Variants in CSMD1 observed in about 807,000 individuals in gnomAD.
CSMD1 encodes CUB and sushi domain-containing protein 1.
A neutral mutation model predicts 417.5 loss-of-function variants in CSMD1; 213 were observed. The ratio of observed to expected loss-of-function variants is 0.51; its 90% CI spans 0.46 to 0.57. The LOEUF (loss-of-function observed/expected upper bound fraction) is 0.57, where lower values mean the gene tolerates loss of function less well. CSMD1 is among the 20% of genes least tolerant of loss of function. The pLI is 0.00. For synonymous variants in CSMD1, 2,862 were observed against 1,736.8 expected (o/e 1.65, Z -16.11); for missense variants, 6,923 against 4,529.7 (o/e 1.53, Z -15.17).
intron 10 of CSMD1, among the ~76,000 whole-genome samples, chr8:3,523,362 C>T (rs533151104): frequency 5.3e-5 from 8 of 152,270 alleles, no homozygotes; most frequent in South Asian, 2.1e-4. Context: ...TCTGAGATTA[C>T]GTGAGATGGA....
intron 3 of CSMD1, among the ~76,000 whole-genome samples, chr8:4,099,931 A>G (rs1233636501): frequency 6.6e-6 from 1 of 152,202 alleles, no homozygotes; most frequent in Non-Finnish European, 1.5e-5. Flanking sequence ...ATCAACAACA[A>G]CAACAATAGT....
At chr8:4,655,820 G>C (rs999273794) in intron 1 of CSMD1, among the ~76,000 whole-genome samples, 2 of 152,076 alleles carry the variant, frequency 1.3e-5, no homozygotes, top group Non-Finnish European at 2.9e-5. Flanking sequence ...ACAACAAAAT[G>C]TGGATTAGAA....
At chr8:3,385,091 A>AATATATAT (rs1563333634) in intron 18 of CSMD1, among the ~76,000 whole-genome samples, 2 of 107,144 alleles carry the variant, frequency 1.9e-5, no homozygotes, top group African/African-American at 7.5e-5. Flanking sequence ...ATTTATATAT[A>AATATATAT]AAATATATAT....
At chr8:4,275,169 T>A (rs777874541) in intron 3 of CSMD1, among the ~76,000 whole-genome samples, 13 of 152,184 alleles carry the variant, frequency 8.5e-5, no homozygotes, top group Non-Finnish European at 1.6e-4. Flanking sequence ...TAGTTACATT[T>A]TCTGGGGTTT....
At chr8:3,352,024 C>T (rs900837933) in intron 21 of CSMD1, among the ~76,000 whole-genome samples, 12 of 151,666 alleles carry the variant, frequency 7.9e-5, no homozygotes, top group African/African-American at 2.9e-4. Context: ...ATGTGGAAGT[C>T]AATAAGAAAA....
chr8:4,802,903 G>C (rs948112747), intron 1 of CSMD1, among the ~76,000 whole-genome samples: 4 of 152,182 alleles, frequency 2.6e-5, no homozygotes, highest in African/African-American at 9.7e-5. Context: ...CAAATCGTGT[G>C]ACATTAACCA....
At chr8:3,863,695 A>G (rs1804886480) in intron 5 of CSMD1, among the ~76,000 whole-genome samples, 1 of 152,228 alleles carries the variant, frequency 6.6e-6, no homozygotes, top group South Asian at 2.1e-4. Flanking sequence ...CTCAGTGAAC[A>G]AAAGAATAAC....
At chr8:3,871,524 T>C (rs1189411967) in intron 5 of CSMD1, among the ~76,000 whole-genome samples, 1 of 152,202 alleles carries the variant, frequency 6.6e-6, no homozygotes, top group Non-Finnish European at 1.5e-5. Flanking sequence ...TAATGAATAA[T>C]GCTTGATTTT....
chr8:3,439,309 A>ATATATATATT, intron 12 of CSMD1, among the ~76,000 whole-genome samples: 45 of 62,436 alleles, frequency 7.2e-4, no homozygotes, highest in East Asian at 1.1e-3. Flanking sequence ...ATATATATAT[A>ATATATATATT]TTTTTTTTTT....
At chr8:4,887,533 A>G (rs1563678887) in intron 1 of CSMD1, among the ~76,000 whole-genome samples, 1 of 151,954 alleles carries the variant, frequency 6.6e-6, no homozygotes, top group Non-Finnish European at 1.5e-5. Flanking sequence ...TATTTTTTAC[A>G]TAGTTTTTTA....
chr8:4,147,407 C>T (rs1033466498), intron 3 of CSMD1, among the ~76,000 whole-genome samples: 8 of 152,048 alleles, frequency 5.3e-5, no homozygotes, highest in Non-Finnish European at 1.0e-4. Flanking sequence ...CCACATGCTG[C>T]CCTGTCTAGA....
chr8:3,182,841 G>GGGGTGTGTGTGTGTGTGTGTGTGTCT (rs768081848), intron 36 of CSMD1: 1 of 11,470 alleles, frequency 8.7e-5, no homozygotes, highest in Non-Finnish European at 1.7e-4. Context: ...TTTATAAGAA[G>GGGGTGTGTGTGTGTGTGTGTGTGTCT]GTGTGTGTGT....
intron 3 of CSMD1, among the ~76,000 whole-genome samples, chr8:4,394,469 A>C (rs1804068917): frequency 6.6e-6 from 1 of 152,318 alleles, no homozygotes; most frequent in South Asian, 2.1e-4. Flanking sequence ...AAAACTGCTC[A>C]GGTTCTCTCC....
chr8:3,744,875 G>T (rs1022857340), intron 6 of CSMD1, among the ~76,000 whole-genome samples: 1 of 152,150 alleles, frequency 6.6e-6, no homozygotes, highest in Non-Finnish European at 1.5e-5. Context: ...ATAGAGTAAG[G>T]GATGGTGTTC....
At chr8:4,230,980 C>G (rs1801689193) in intron 3 of CSMD1, among the ~76,000 whole-genome samples, 1 of 152,072 alleles carries the variant, frequency 6.6e-6, no homozygotes, top group Non-Finnish European at 1.5e-5. Flanking sequence ...TTTGCAACAT[C>G]AGTACTAGTA....
intron 10 of CSMD1, among the ~76,000 whole-genome samples, chr8:3,497,830 G>C (rs1796430606): frequency 1.3e-5 from 2 of 152,242 alleles, no homozygotes; most frequent in Middle Eastern, 6.8e-3. Context: ...TTGTGGTTTG[G>C]TGGTTTTCTG....
chr8:2,951,067 T>C (rs1802592344), intron 66 of CSMD1, 47 bp downstream of exon 66: 11 of 1,573,664 alleles, frequency 7.0e-6, no homozygotes, highest in Non-Finnish European at 9.5e-6. Context: ...AGATAACAGG[T>C]CTATTTCTGC....
intron 12 of CSMD1, among the ~76,000 whole-genome samples, chr8:3,432,386 T>C (rs1274148042): frequency 1.3e-5 from 2 of 152,206 alleles, no homozygotes; most frequent in Non-Finnish European, 2.9e-5. Context: ...CCACGACAGT[T>C]CCTGCTTAGC....
chr8:4,913,570 G>A (rs138096669), intron 1 of CSMD1, among the ~76,000 whole-genome samples: 19 of 152,088 alleles, frequency 1.2e-4, no homozygotes, highest in Admixed American at 5.2e-4. Context: ...CAACATATGC[G>A]TCCACAGCTC....
Sources: gnomAD v4.1 joint callset for allele counts (sites outside exome capture counted in the v4.1 genomes callset) on GRCh38, gnomAD v4.1.1 for gene constraint, MANE v1.5 for transcripts, NCBI Gene and HGNC (gene_info 2026-07-23, HGNC 2026-07-21) for gene names.